Variants in SPTA1 observed in about 807,000 individuals in gnomAD.
SPTA1 encodes spectrin alpha chain, erythrocytic 1.
In SPTA1, 177 loss-of-function variants were observed where a neutral mutation model predicts 324.7. The observed-to-expected ratio is 0.55, with a 90% CI of 0.48 to 0.62. The LOEUF is 0.62. SPTA1 is among the 20% of genes least tolerant of loss of function. SPTA1 has a pLI of 0.00. For synonymous variants in SPTA1, 1,195 were observed against 1,041.3 expected, an observed-to-expected ratio of 1.15 and a Z score of -2.84; for missense variants, 3,162 against 2,883.6, an observed-to-expected ratio of 1.10 and a Z score of -2.21.
chr1:158,641,454 C>A (rs12069654), intron 33 of SPTA1, among the ~76,000 whole-genome samples: 42,196 of 151,862 alleles, frequency 0.28, 5,999 homozygotes, highest in Middle Eastern at 0.32. Context: ...AACTCCAACA[C>A]ATTTACAAGA....
rs1315861477 is a variant in SPTA1, at chr1:158,667,916, A to G, written c.1980T>C (p.Thr660=). 54 of 1,613,952 alleles carry G rather than the reference A, an allele frequency of 3.3e-5. No individual in the cohort carries two copies. The highest frequency in any genetic ancestry group is 4.5e-5 in the Non-Finnish European group (53 of 1,179,992). Residue 660 remains threonine (T), a synonymous_variant, in exon 15 of 52, where the codon ACT becomes ACC. Transcript: ENST00000643759. ...AGAGGCTGGCAACTTCACTCAGACG[A>G]GTGGTCACATTGTCAGAGGCATAGT... is the stretch of plus-strand genomic sequence containing the variant. ...GGHYASDNVT[T]RLSEVASLWE...
chr1:158,664,932 C>A (rs114845491), intron 16 of SPTA1, among the ~76,000 whole-genome samples: 3,378 of 152,290 alleles, frequency 0.022, 44 homozygotes, highest in Non-Finnish European at 0.036. Context: ...GGGGAAAGTT[C>A]TTTCACCTGT....
At chr1:158,647,990 A>T (rs968335677) in intron 26 of SPTA1, among the ~76,000 whole-genome samples, 14 of 152,188 alleles carry the variant, frequency 9.2e-5, no homozygotes, top group Admixed American at 3.3e-4. Flanking sequence ...AACCTCAATT[A>T]GGAAACCCAA....
At chr1:158,643,517 C>A in intron 30 of SPTA1, 92 bp from the exon 31 acceptor site, 2 of 1,250,932 alleles carry the variant, frequency 1.6e-6, no homozygotes, top group South Asian at 2.5e-5. Context: ...TGAAGGTATC[C>A]TTTGTGGATT....
In SPTA1 at chr1:158,654,663, T is replaced by C. The variant is rs1652698010; in HGVS notation, c.2984A>G (p.Glu995Gly). 3 of 1,613,724 alleles carry C rather than the reference T, an allele frequency of 1.9e-6. No homozygotes were observed. In the African/African-American group the frequency reaches 4.0e-5, roughly 22 times the overall value. The stretch of plus-strand genomic sequence containing the variant: ...GACATCACCTTTCTTCATGGTGACT[T>C]CTCGGGGGCTGCGGGCCTGGAAGTC... The part of the protein sequence containing the change: ...LYDFQARSPR[E>G]VTMKKGDVLT... The change falls in exon 21 of 52, where the codon GAA becomes GGA. Residue 995 changes from glutamate to glycine, a missense_variant. Transcript: ENST00000643759.
chr1:158,617,994 T>G lies in SPTA1; in HGVS notation c.6548+45A>C, dbSNP rs857717. On this transcript the variant is annotated intron_variant, in intron 46 of 51. Transcript: ENST00000643759. ...AACTCTTTCTTAACGAATTCTTCCA[T>G]AATAATATAATAAAGCAAACATGAT... 1 allele frequency: 1,570,045 copies of G among 1,570,186 alleles called. 784,952 individuals carry two copies. Among genetic ancestry groups the G allele is most frequent in the Middle Eastern group, 1 (5,966 of 5,966 alleles).
At chr1:158,680,147 C>A (rs1654693127) in intron 5 of SPTA1, among the ~76,000 whole-genome samples, 1 of 152,034 alleles carries the variant, frequency 6.6e-6, no homozygotes, top group Non-Finnish European at 1.5e-5. Context: ...CCGAAATAAT[C>A]TTGTATAATG....
intron 45 of SPTA1, among the ~76,000 whole-genome samples, chr1:158,618,990 G>A (rs1012557453): frequency 2.1e-4 from 32 of 152,208 alleles, no homozygotes; most frequent in Non-Finnish European, 4.0e-4. Flanking sequence ...ATCAAGGAGA[G>A]AATACAGAAG....
rs112980097 is a variant in SPTA1, at chr1:158,673,423, G to A, written c.1350+906C>T. Among the ~76,000 whole-genome samples, 274 of 152,242 alleles carry A rather than the reference G, an allele frequency of 1.8e-3. 2 individuals carry two copies. The highest frequency in any genetic ancestry group is 6.8e-3 in the Middle Eastern group (2 of 294). On this transcript the variant is annotated intron_variant, in intron 10 of 51. Transcript: ENST00000643759. ...CTGGTGCAAAATCTCTCTGGATCAA[G>A]GTGCAGAGGTGAAGCCCTATGATGT...
At chr1:158,637,793 G>C (rs1022276837) in intron 36 of SPTA1, among the ~76,000 whole-genome samples, 1 of 152,168 alleles carries the variant, frequency 6.6e-6, no homozygotes, top group Non-Finnish European at 1.5e-5. Context: ...TCTTAGTTTT[G>C]TTCCTGTCAT....
At chr1:158,634,488 A>C in intron 39 of SPTA1, 55 bp downstream of exon 39, 14 of 1,610,206 alleles carry the variant, frequency 8.7e-6, no homozygotes, top group Non-Finnish European at 1.2e-5. Context: ...CTGACTACCC[A>C]AGAAAATAAC....
rs1198496535 is a variant in SPTA1, at chr1:158,653,193, A to C, written c.3188+81T>G. ...TTCTGTGGCATCTCAAATCTAACAG[A>C]TGCAGGGTCATGAGAAGAAATGCCT... On this transcript the variant is annotated intron_variant, in intron 22 of 51. Transcript: ENST00000643759. 3 of 1,589,886 alleles carry C rather than the reference A, an allele frequency of 1.9e-6. No individual in the cohort carries two copies. In the African/African-American group the frequency reaches 4.0e-5, roughly 21 times the overall value.
chr1:158,669,705 A>G lies in SPTA1; in HGVS notation c.1677+4T>C. On this transcript the variant is annotated splice_donor_region_variant and intron_variant, in intron 13 of 51. Coordinates refer to ENST00000643759, the MANE Select transcript of SPTA1 (RefSeq NM_003126.4). ...ACACAGAAGCTCTAGGCCCTTGGAC[A>G]TACCCCGTCACGGATAGCCTTGATG... 6.2e-7 allele frequency: 1 copy of G among 1,613,566 alleles called. No individual in the cohort carries two copies. The highest frequency in any genetic ancestry group is 1.3e-5 in the African/African-American group (1 of 75,042).
At chr1:158,681,274 T>C (rs776785415) in intron 4 of SPTA1, among the ~76,000 whole-genome samples, 1 of 152,102 alleles carries the variant, frequency 6.6e-6, no homozygotes, top group Non-Finnish European at 1.5e-5. Flanking sequence ...ATGAGCCTAA[T>C]TATCTTTCAA....
rs1654544045 is a variant in SPTA1 at position 158,678,343 on chromosome 1, G to A, written c.812+58C>T. The A allele has an allele frequency of 5.6e-6, 9 of 1,607,716 alleles. No individual in the cohort carries two copies. In the South Asian group the frequency reaches 8.8e-5, roughly 16 times the overall value. ...AGAAGTAGAAAGAGCCTAATACAAA[G>A]ACACGGTTTTTATAAAGCACTTCAA... On this transcript the variant is annotated intron_variant, in intron 6 of 51. Transcript: ENST00000643759.
In SPTA1 at chr1:158,662,947, T is replaced by C; in HGVS notation, c.2221-2A>G. 6.2e-7 allele frequency: 1 copy of C among 1,613,942 alleles called. No individual in the cohort carries two copies. Among genetic ancestry groups the C allele is most frequent in the Non-Finnish European group, 8.5e-7 (1 of 1,179,918 alleles). The stretch of plus-strand genomic sequence containing the variant: ...GTCTGTAAGGATATCCACCTGATCC[T>C]AAGGGAGAAATAGAATGAATGCGAA... On this transcript the variant is annotated splice_acceptor_variant, in intron 16 of 51. Coordinates refer to ENST00000643759, the MANE Select transcript of SPTA1 (RefSeq NM_003126.4). LOFTEE classifies it high-confidence loss of function.
rs554017622 is a variant in SPTA1 at position 158,660,353 on chromosome 1, A to T, written c.2587+934T>A. On this transcript the variant is annotated intron_variant, in intron 18 of 51. Coordinates refer to ENST00000643759, the MANE Select transcript of SPTA1 (RefSeq NM_003126.4). ...AGAAATATGCACTATGCAAAAACTA[A>T]TCAAAAGATAGCTCATGTGGCTTTT... Among the ~76,000 whole-genome samples the T allele has an allele frequency of 2.0e-5, 3 of 152,316 alleles. No homozygotes were observed. The East Asian group carries it at 5.8e-4, about 29-fold the overall frequency.
Position 158,673,415 on chromosome 1 carries a change from T to C in SPTA1, c.1350+914A>G, listed in dbSNP as rs190455419. ...CTCTGCCACTGGTGCAAAATCTCTC[T>C]GGATCAAGGTGCAGAGGTGAAGCCC... On this transcript the variant is annotated intron_variant, in intron 10 of 51. Coordinates refer to ENST00000643759, the MANE Select transcript of SPTA1 (RefSeq NM_003126.4). Among the ~76,000 whole-genome samples, 166 of 152,266 alleles carry C rather than the reference T, an allele frequency of 1.1e-3. 1 individual carries two copies. The highest frequency in any genetic ancestry group is 3.9e-3 in the African/African-American group (161 of 41,554).
Position 158,635,917 on chromosome 1 carries a change from C to G in SPTA1, c.5428G>C (p.Ala1810Pro), listed in dbSNP as rs1165876941. Residue 1810 changes from alanine to proline, a missense_variant, in exon 38 of 52, where the codon GCC becomes CCC. By Grantham distance (27) the Ala-to-Pro change is conservative. Coordinates refer to ENST00000643759, the MANE Select transcript of SPTA1 (RefSeq NM_003126.4). Reference protein sequence around the residue: ...HWEKLKELAKARGLKLEESLE... With the variant: ...HWEKLKELAKPRGLKLEESLE... Reference sequence around the variant, plus strand: ...GGCCTTCTGTATCCCACTCACCGGGCCTTGGCCAACTCTTTGAGCTTCTCC... The same window carrying G: ...GGCCTTCTGTATCCCACTCACCGGGGCTTGGCCAACTCTTTGAGCTTCTCC... 1 of 1,614,194 alleles carries G rather than the reference C, an allele frequency of 6.2e-7. No individual in the cohort carries two copies. The highest frequency in any genetic ancestry group is 1.7e-5 in the Admixed American group (1 of 60,010).
Sources: gnomAD v4.1 joint callset for allele counts (sites outside exome capture counted in the v4.1 genomes callset) on GRCh38, gnomAD v4.1.1 for gene constraint, MANE v1.5 for transcripts, NCBI Gene and HGNC (gene_info 2026-07-23, HGNC 2026-07-21) for gene names.